GRTP1: variants seen among roughly 807,000 people sequenced by gnomAD.
The protein encoded by GRTP1 is growth hormone regulated TBC protein 1.
Under a neutral mutation model 38.1 loss-of-function variants are expected in GRTP1, and 56 were observed. The ratio of observed to expected loss-of-function variants is 1.47; its 90% CI spans 1.19 to 1.84. The LOEUF (loss-of-function observed/expected upper bound fraction) is 1.84. Ranked by LOEUF, GRTP1 falls within the 40% of genes most tolerant of loss-of-function variation. The pLI is 0.00. For synonymous variants in GRTP1, 217 were observed against 189.5 expected (o/e 1.14, Z -1.19); for missense variants, 506 against 453.9 (o/e 1.11, Z -1.04).
At chr13:113,327,179 T>C (rs1333446204) in intron 5 of GRTP1, among the ~76,000 whole-genome samples, 1 of 152,202 alleles carries the variant, frequency 6.6e-6, no homozygotes, top group African/African-American at 2.4e-5. Flanking sequence ...TAATGAGTTA[T>C]AGTACATTTT....
rs1444236504 is a variant in GRTP1 at position 113,324,460 on chromosome 13, A to G, written c.*28T>C. The G allele has an allele frequency of 6.3e-7, 1 of 1,578,304 alleles. No individual in the cohort carries two copies. Among genetic ancestry groups the G allele is most frequent in the Non-Finnish European group, 8.6e-7 (1 of 1,162,088 alleles). On this transcript the variant is annotated 3_prime_UTR_variant, in exon 8 of 8. Coordinates refer to ENST00000375431, the MANE Select transcript of GRTP1 (RefSeq NM_024719.4). ...CTGGAAAGGGGCATCGTCAGTGTAG[A>G]GACGAGCAACGCAGGGGACAGGCAC...
intron 5 of GRTP1, among the ~76,000 whole-genome samples, chr13:113,334,637 G>A (rs944601594): frequency 3.3e-4 from 50 of 152,082 alleles, no homozygotes; most frequent in African/African-American, 1.1e-3. Flanking sequence ...AATCCTTCAG[G>A]CAAAGGAAAG....
intron 3 of GRTP1, 172 bp downstream of exon 3, chr13:113,355,151 T>C: frequency 1.6e-6 from 1 of 643,326 alleles, no homozygotes. Context: ...CGATCATTGT[T>C]CTCCCCTTGC....
In GRTP1 at chr13:113,364,048, G is replaced by A. The variant is rs766594936; in HGVS notation, c.4C>T (p.Gln2Ter). The A allele has an allele frequency of 5.4e-6, 7 of 1,288,896 alleles. No homozygotes were observed. Among genetic ancestry groups the A allele is most frequent in the Non-Finnish European group, 6.8e-6 (7 of 1,023,734 alleles). The allele number at this position is 1,288,896 out of a possible 1,614,324, so 79.8% of individuals were successfully genotyped here. ...GGGACCCGCGAGCGCTCGGCGGGCT[G>A]CATGCGGGGAGGGAGGCGCGCACCG... The part of the protein sequence containing the change: M[Q>*]PAERSRVPRI... The change falls in exon 1 of 8, where the codon CAG (glutamine) becomes TAG (stop). Residue 2 changes from glutamine to a stop codon, truncating the protein, a stop_gained. Coordinates refer to ENST00000375431, the MANE Select transcript of GRTP1 (RefSeq NM_024719.4). LOFTEE classifies it high-confidence loss of function.
intron 5 of GRTP1, among the ~76,000 whole-genome samples, 163 bp downstream of exon 5, chr13:113,344,700 G>T (rs1041245951): frequency 9.4e-6 from 1 of 105,838 alleles, no homozygotes; most frequent in African/African-American, 3.7e-5. Context: ...GCATCAGAGC[G>T]AGACTCCGTC....
chr13:113,325,352 G>A, intron 7 of GRTP1: 1 of 1,423,758 alleles, frequency 7.0e-7, no homozygotes. Context: ...CCAGGTCCAG[G>A]ACCCAGTGGG....
intron 2 of GRTP1, among the ~76,000 whole-genome samples, chr13:113,355,968 C>T (rs908573032): frequency 2.6e-5 from 4 of 152,148 alleles, no homozygotes; most frequent in African/African-American, 9.7e-5. Flanking sequence ...AAAGCTACTC[C>T]ATTTTGTAGG....
chr13:113,344,843 CG>C lies in GRTP1; in HGVS notation c.562+19del. On this transcript the variant is annotated intron_variant, in intron 5 of 7. Coordinates refer to ENST00000375431, the MANE Select transcript of GRTP1 (RefSeq NM_024719.4). ...CAGAAACAGGACAGTTCGGGCATAC[CG>C]CAGGAATTTTCAACATACCTGGTAG... 1 of 1,590,830 alleles carries C rather than the reference CG, an allele frequency of 6.3e-7. No homozygotes were observed. Among genetic ancestry groups the C allele is most frequent in the Non-Finnish European group, 8.5e-7 (1 of 1,173,546 alleles).
At chr13:113,354,331 C>T (rs958458622) in intron 3 of GRTP1, among the ~76,000 whole-genome samples, 1 of 152,142 alleles carries the variant, frequency 6.6e-6, no homozygotes, top group Non-Finnish European at 1.5e-5. Context: ...GGCTCAGCCC[C>T]GTGGACAGGA....
chr13:113,346,227 A>AGCAGACCCAGGAGGACCTCTGTGCCTG (rs2043124467), intron 4 of GRTP1, among the ~76,000 whole-genome samples: 2 of 116,656 alleles, frequency 1.7e-5, no homozygotes, highest in African/African-American at 3.2e-5. Flanking sequence ...TGTGGCTGAG[A>AGCAGACCCAGGAGGACCTCTGTGCCTG]ACAGACCCGG....
intron 4 of GRTP1, among the ~76,000 whole-genome samples, 181 bp downstream of exon 4, chr13:113,350,668 G>A (rs769871114): frequency 2.0e-5 from 3 of 152,150 alleles, no homozygotes; most frequent in Non-Finnish European, 2.9e-5. Context: ...GAATGAGGTC[G>A]TCGGCTGCTG....
Position 113,344,940 on chromosome 13 carries a change from C to T in GRTP1, c.485G>A (p.Gly162Glu). The T allele has an allele frequency of 6.3e-7, 1 of 1,596,608 alleles. No individual in the cohort carries two copies. Among genetic ancestry groups the T allele is most frequent in the Non-Finnish European group, 8.5e-7 (1 of 1,173,946 alleles). ...GYCQGMNFIA[G>E]YLILITNNEE... ...ATTATTTGTTATAAGAATCAGATAT[C>T]CTGCTATAAAATTCATTCCCTGAAA... is the stretch of plus-strand genomic sequence containing the variant. Residue 162 changes from glycine (G) to glutamate (E), a missense_variant, in exon 5 of 8, where the codon GGA becomes GAA. By Grantham distance (98) the Gly-to-Glu change is moderately conservative. Coordinates refer to ENST00000375431, the MANE Select transcript of GRTP1 (RefSeq NM_024719.4).
Position 113,324,590 on chromosome 13 carries a change from C to CAGTT in GRTP1, c.922-17_922-14dup, listed in dbSNP as rs138695944. The CAGTT allele has an allele frequency of 1.0e-3, 1,602 of 1,593,140 alleles. 6 individuals carry two copies. Among genetic ancestry groups the CAGTT allele is most frequent in the African/African-American group, 7.4e-3 (552 of 74,456 alleles). On this transcript the variant is annotated splice_polypyrimidine_tract_variant and intron_variant, in intron 7 of 7. Transcript: ENST00000375431. ...CTGAAAATATTTTCTGGAAGGCAAA[C>CAGTT]AGTTAGTTTAAAAACAAACCCAACA...
At chr13:113,353,078 G>A (rs1344811841) in intron 3 of GRTP1, among the ~76,000 whole-genome samples, 4 of 146,116 alleles carry the variant, frequency 2.7e-5, no homozygotes, top group African/African-American at 1.0e-4. Flanking sequence ...CCACACTCTG[G>A]GTAGGAACCC....
intron 5 of GRTP1, among the ~76,000 whole-genome samples, chr13:113,341,787 T>C (rs1408362973): frequency 6.6e-6 from 1 of 152,218 alleles, no homozygotes; most frequent in Non-Finnish European, 1.5e-5. Context: ...AATGGGGATG[T>C]GCCAGTGAAG....
intron 5 of GRTP1, among the ~76,000 whole-genome samples, chr13:113,336,303 T>TTTTTG (rs58246120): frequency 0.71 from 93,715 of 132,912 alleles, 32,556 homozygotes; most frequent in Non-Finnish European, 0.81. Context: ...AGGTAGTTTT[T>TTTTTG]TTTTTTTTTT....
At chr13:113,334,924 G>T (rs1475631509) in intron 5 of GRTP1, among the ~76,000 whole-genome samples, 2 of 152,214 alleles carry the variant, frequency 1.3e-5, no homozygotes, top group East Asian at 3.9e-4. Context: ...CCGGGTTCAC[G>T]CCATTCTTCT....
intron 4 of GRTP1, among the ~76,000 whole-genome samples, chr13:113,350,122 C>T (rs922478107): frequency 1.3e-5 from 2 of 152,108 alleles, no homozygotes; most frequent in African/African-American, 4.8e-5. Flanking sequence ...CTGCCCTCGG[C>T]GAGCTCAGAC....
At chr13:113,340,843 TCA>T (rs2043016551) in intron 5 of GRTP1, among the ~76,000 whole-genome samples, 1 of 152,054 alleles carries the variant, frequency 6.6e-6, no homozygotes, top group South Asian at 2.1e-4. Flanking sequence ...ACCTGTTCCT[TCA>T]CAGTTTGATA....
Sources: gnomAD v4.1 joint callset for allele counts (sites outside exome capture counted in the v4.1 genomes callset) on GRCh38, gnomAD v4.1.1 for gene constraint, MANE v1.5 for transcripts, NCBI Gene and HGNC (gene_info 2026-07-23, HGNC 2026-07-21) for gene names.